Variants in MAMDC2 observed in about 807,000 individuals in gnomAD.
The protein encoded by MAMDC2 is MAM domain-containing protein 2.
A neutral mutation model predicts 89.8 loss-of-function variants in MAMDC2; 57 were observed. That is an observed-to-expected ratio of 0.63 (90% confidence interval 0.51 to 0.79). MAMDC2 has a LOEUF of 0.79. MAMDC2 is among the 30% of genes least tolerant of loss of function. The pLI is 0.00. For synonymous variants in MAMDC2, 313 were observed against 293.4 expected (o/e 1.07, Z -0.68); for missense variants, 800 against 820.6 (o/e 0.97, Z 0.31).
chr9:70,070,901 A>G (rs2997677), intron 2 of MAMDC2, among the ~76,000 whole-genome samples: 51,436 of 152,012 alleles, frequency 0.34, 10,223 homozygotes, highest in African/African-American at 0.55. Flanking sequence ...AATATATAAC[A>G]TCACTAAAAA....
At chr9:70,211,380 C>G (rs187667305) in intron 11 of MAMDC2, among the ~76,000 whole-genome samples, 34 of 152,254 alleles carry the variant, frequency 2.2e-4, no homozygotes, top group Admixed American at 1.4e-3. Flanking sequence ...TTAATTTGAT[C>G]TTCAATCACT....
At chr9:70,103,928 G>C (rs1828265644) in intron 2 of MAMDC2, among the ~76,000 whole-genome samples, 1 of 151,464 alleles carries the variant, frequency 6.6e-6, no homozygotes, top group African/African-American at 2.4e-5. Context: ...GTTGCAGTGA[G>C]CCGAGATCAC....
At chr9:70,200,885 T>G (rs1367441087) in intron 11 of MAMDC2, among the ~76,000 whole-genome samples, 13 of 125,350 alleles carry the variant, frequency 1.0e-4, no homozygotes, top group Non-Finnish European at 2.0e-4. Context: ...ATGCTTGTGA[T>G]TTTTGTACAT....
At chr9:70,160,943 G>A (rs904968994) in intron 9 of MAMDC2, among the ~76,000 whole-genome samples, 2 of 152,050 alleles carry the variant, frequency 1.3e-5, no homozygotes, top group African/African-American at 4.8e-5. Flanking sequence ...TCTCAGAATC[G>A]TATTTTAAGA....
intron 8 of MAMDC2, among the ~76,000 whole-genome samples, chr9:70,140,552 A>G (rs2031178025): frequency 1.3e-5 from 2 of 152,124 alleles, no homozygotes; most frequent in African/African-American, 4.8e-5. Flanking sequence ...ACCTTTAAGG[A>G]AAAAAAATCT....
intron 9 of MAMDC2, among the ~76,000 whole-genome samples, chr9:70,155,584 T>G (rs912798513): frequency 6.6e-6 from 1 of 152,216 alleles, no homozygotes; most frequent in African/African-American, 2.4e-5. Context: ...TCTCCTGCAT[T>G]CGACACCGAT....
At chr9:70,172,056 AT>A (rs888308898) in intron 11 of MAMDC2, 19 of 152,286 alleles carry the variant, frequency 1.2e-4, no homozygotes, top group South Asian at 2.1e-4. Flanking sequence ...GAACAGCTTT[AT>A]TTTTTCTATC....
chr9:70,064,438 ATGAAT>A (rs1827219110), intron 2 of MAMDC2, among the ~76,000 whole-genome samples: 1 of 152,190 alleles, frequency 6.6e-6, no homozygotes, highest in African/African-American at 2.4e-5. Context: ...CACCGGATAT[ATGAAT>A]TAAAATTTTA....
chr9:70,193,678 G>A (rs1022967688), intron 11 of MAMDC2, among the ~76,000 whole-genome samples: 5 of 152,098 alleles, frequency 3.3e-5, no homozygotes, highest in African/African-American at 1.2e-4. Context: ...CATTAGTAAA[G>A]TAATAAACTC....
intron 9 of MAMDC2, among the ~76,000 whole-genome samples, chr9:70,164,942 T>A (rs1366201546): frequency 1.3e-5 from 2 of 148,886 alleles, no homozygotes; most frequent in Non-Finnish European, 3.0e-5. Context: ...TTAATATAAT[T>A]AATATTTAAT....
intron 11 of MAMDC2, 31 bp downstream of exon 11, chr9:70,170,662 A>C (rs773336204): frequency 8.7e-5 from 134 of 1,536,702 alleles, no homozygotes; most frequent in Non-Finnish European, 1.1e-4. Flanking sequence ...CTGTTTCCTA[A>C]GGAAAGCTTC....
At chr9:70,197,986 C>A (rs530717244) in intron 11 of MAMDC2, among the ~76,000 whole-genome samples, 1 of 152,072 alleles carries the variant, frequency 6.6e-6, no homozygotes, top group East Asian at 1.9e-4. Flanking sequence ...GAGTACAGTA[C>A]AGTAAGATAT....
chr9:70,113,991 C>T (rs1828576784), intron 5 of MAMDC2: 1 of 151,928 alleles, frequency 6.6e-6, no homozygotes, highest in African/African-American at 2.4e-5. Context: ...GACAGTGTGT[C>T]CCCATGCCTG....
At chr9:70,111,468 A>G (rs1479984594) in intron 4 of MAMDC2, among the ~76,000 whole-genome samples, 1 of 152,186 alleles carries the variant, frequency 6.6e-6, no homozygotes, top group African/African-American at 2.4e-5. Context: ...CTCATCTGTA[A>G]AATGAGGTTA....
At chr9:70,147,420 C>T (rs2031441387) in intron 9 of MAMDC2, among the ~76,000 whole-genome samples, 1 of 150,170 alleles carries the variant, frequency 6.7e-6, no homozygotes, top group South Asian at 2.1e-4. Context: ...TGACTCCCTA[C>T]TATGAAAGAG....
rs1387011230 is a variant in MAMDC2, at chr9:70,044,629, C to T, written c.80C>T (p.Ala27Val). 6.4e-7 allele frequency: 1 copy of T among 1,551,412 alleles called. No homozygotes were observed. Among genetic ancestry groups the T allele is most frequent in the Non-Finnish European group, 8.7e-7 (1 of 1,146,986 alleles). Reference sequence around the variant, plus strand: ...CTCGACCTGCCCGCTGGGTCCTGTGCCTTTGAAGAGAGCACTTGCGGCTTT... The same window carrying T: ...CTCGACCTGCCCGCTGGGTCCTGTGTCTTTGAAGAGAGCACTTGCGGCTTT... ...GALDLPAGSC[A>V]FEESTCGFDS... is the part of the protein sequence containing the mutation. Residue 27 changes from alanine to valine, a missense_variant, in exon 2 of 14, where the codon GCC becomes GTC. By Grantham distance (64) the Ala-to-Val change is moderately conservative. Coordinates refer to ENST00000377182, the MANE Select transcript of MAMDC2 (RefSeq NM_153267.5).
intron 11 of MAMDC2, among the ~76,000 whole-genome samples, chr9:70,212,155 T>A (rs573626362): frequency 6.6e-6 from 1 of 152,366 alleles, no homozygotes; most frequent in Admixed American, 6.5e-5. Flanking sequence ...TCTTCAAAGC[T>A]GTCAGACAGG....
rs547788491 is a variant in MAMDC2, at chr9:70,196,162, G to C, written c.1652-22175G>C. On this transcript the variant is annotated intron_variant, in intron 11 of 13. Transcript: ENST00000377182. ...TTATTCACTACCACCATAACAGTAT[G>C]GGGGGAACCAATCTCATGATTCAAT... Among the ~76,000 whole-genome samples the C allele has an allele frequency of 8.6e-4, 131 of 152,132 alleles. 1 individual carries two copies. The highest frequency in any genetic ancestry group is 3.1e-3 in the African/African-American group (128 of 41,520).
At chr9:70,211,218 G>C (rs1466440396) in intron 11 of MAMDC2, among the ~76,000 whole-genome samples, 3 of 152,194 alleles carry the variant, frequency 2.0e-5, no homozygotes, top group Non-Finnish European at 4.4e-5. Flanking sequence ...CCTGAAGACT[G>C]TTTTCCAACT....
Sources: allele counts gnomAD v4.1 joint callset (sites outside exome capture counted in the v4.1 genomes callset), GRCh38; gene constraint gnomAD v4.1.1; transcripts MANE v1.5; gene names NCBI Gene and HGNC (gene_info 2026-07-23, HGNC 2026-07-21).